The following SLC35F2 variants were observed in gnomAD, a reference collection of about 807,000 sequenced individuals.
SLC35F2 encodes queuine/queuosine transporter SLC35F2.
A neutral mutation model predicts 38.1 loss-of-function variants in SLC35F2; 25 were observed. That is an observed-to-expected ratio of 0.66 (90% CI 0.48 to 0.92). The LOEUF (loss-of-function observed/expected upper bound fraction) is 0.92, where lower values mean the gene tolerates loss of function less well. SLC35F2 is among the 40% of genes least tolerant of loss of function. The pLI is 0.00. For synonymous variants in SLC35F2, 173 were observed against 181.7 expected (o/e 0.95, Z 0.38); for missense variants, 409 against 452.9 (o/e 0.90, Z 0.88).
chr11:107,798,450 T>C (rs1591183885), intron 7 of SLC35F2, among the ~76,000 whole-genome samples: 1 of 152,324 alleles, frequency 6.6e-6, no homozygotes, highest in East Asian at 1.9e-4. Context: ...CATGTCTCTC[T>C]TAAGAAGGCA....
intron 3 of SLC35F2, among the ~76,000 whole-genome samples, chr11:107,807,170 C>T (rs538024346): frequency 6.7e-6 from 1 of 149,736 alleles, no homozygotes; most frequent in Admixed American, 6.8e-5. Flanking sequence ...CACGGTGGCT[C>T]ACGCCTGTAA....
chr11:107,811,570 G>C, intron 3 of SLC35F2, 97 bp downstream of exon 3: 2 of 1,190,724 alleles, frequency 1.7e-6, no homozygotes, highest in Non-Finnish European at 1.2e-6. Context: ...TTTTCTTCAA[G>C]TGAATAGATT....
At chr11:107,829,477 C>T (rs11212397) in intron 1 of SLC35F2, among the ~76,000 whole-genome samples, 6,862 of 152,008 alleles carry the variant, frequency 0.045, 272 homozygotes, top group African/African-American at 0.1. Context: ...TGATGCCTTC[C>T]ACCATGCTAT....
intron 1 of SLC35F2, among the ~76,000 whole-genome samples, chr11:107,838,691 C>G (rs1363560035): frequency 7.7e-6 from 1 of 130,526 alleles, no homozygotes; most frequent in Non-Finnish European, 1.6e-5. Context: ...TGCAGTGGCG[C>G]TATCTCATCT....
chr11:107,828,873 G>A (rs755694202), intron 1 of SLC35F2, among the ~76,000 whole-genome samples: 2 of 152,126 alleles, frequency 1.3e-5, no homozygotes, highest in South Asian at 2.1e-4. Context: ...TTGGGAGGCC[G>A]AGGTGGGCAG....
chr11:107,851,031 A>G (rs1482258143), intron 1 of SLC35F2, among the ~76,000 whole-genome samples: 3 of 151,198 alleles, frequency 2.0e-5, no homozygotes, highest in South Asian at 4.2e-4. Context: ...TTGGGAGGCT[A>G]AGGTGGGCGG....
chr11:107,809,652 T>C (rs2134782657), intron 3 of SLC35F2: 2 of 978,640 alleles, frequency 2.0e-6, no homozygotes, highest in South Asian at 4.7e-5. Flanking sequence ...AAAGTATTCT[T>C]GGTGATGGAT....
chr11:107,813,730 ATCTTGGC>A (rs1859519822), intron 2 of SLC35F2, among the ~76,000 whole-genome samples: 1 of 151,988 alleles, frequency 6.6e-6, no homozygotes, highest in South Asian at 2.1e-4. Flanking sequence ...CAGTGGTGTG[ATCTTGGC>A]TCACTGCAAC....
chr11:107,841,522 C>CAGCCTAG (rs1860011705), intron 1 of SLC35F2, among the ~76,000 whole-genome samples: 1 of 146,264 alleles, frequency 6.8e-6, no homozygotes, highest in Non-Finnish European at 1.5e-5. Context: ...GAGACTGTGC[C>CAGCCTAG]ACTGCACTCC....
rs1444523051 is a variant in SLC35F2, at chr11:107,835,081, T to G, written c.111-19116A>C. ...AGAGTTACGCAGAAAATCAAACGGGTGCTAGTTAAAGAGGCCAACAATCAA... is the reference window on the plus strand; with the variant it reads ...AGAGTTACGCAGAAAATCAAACGGGGGCTAGTTAAAGAGGCCAACAATCAA... On this transcript the variant is annotated intron_variant, in intron 1 of 7. Coordinates refer to ENST00000525815, the MANE Select transcript of SLC35F2 (RefSeq NM_017515.5). Among the ~76,000 whole-genome samples, 5 of 152,028 alleles carry G rather than the reference T, an allele frequency of 3.3e-5. No individual in the cohort carries two copies. The East Asian group carries it at 9.6e-4, about 29-fold the overall frequency.
intron 1 of SLC35F2, among the ~76,000 whole-genome samples, chr11:107,842,236 A>C (rs1860022759): frequency 8.3e-6 from 1 of 121,076 alleles, no homozygotes; most frequent in Admixed American, 1.0e-4. Flanking sequence ...AGCCTGGGCG[A>C]CAGAGTGAGA....
At chr11:107,830,768 A>T (rs991091399) in intron 1 of SLC35F2, among the ~76,000 whole-genome samples, 1 of 152,148 alleles carries the variant, frequency 6.6e-6, no homozygotes. Flanking sequence ...GTGTGGTAAC[A>T]ATCATTTTCT....
chr11:107,815,042 C>T (rs1046624236), intron 2 of SLC35F2, among the ~76,000 whole-genome samples: 1 of 151,906 alleles, frequency 6.6e-6, no homozygotes, highest in African/African-American at 2.4e-5. Context: ...TGTGCCACTG[C>T]ACTCCAGCCT....
chr11:107,816,972 C>T (rs1262103654), intron 1 of SLC35F2, among the ~76,000 whole-genome samples: 1 of 152,076 alleles, frequency 6.6e-6, no homozygotes, highest in East Asian at 1.9e-4. Flanking sequence ...CTGTGGGAAA[C>T]AGCAATATTT....
rs918911810 is a variant in SLC35F2 at position 107,804,664 on chromosome 11, T to A, written c.784+54A>T. On this transcript the variant is annotated intron_variant, in intron 6 of 7. Coordinates refer to ENST00000525815, the MANE Select transcript of SLC35F2 (RefSeq NM_017515.5). ...TTAAAATAAAGCACATATTTCTAGA[T>A]GTTCATTTGTTTGTTAAAGAATGCT... 14 of 1,231,246 alleles carry A rather than the reference T, an allele frequency of 1.1e-5. 1 individual carries two copies. In the African/African-American group the frequency reaches 1.8e-4, roughly 16 times the overall value. The allele number at this position is 1,231,246 out of a possible 1,614,324, so 76.3% of individuals were successfully genotyped here. A position where few individuals can be genotyped will look rare whatever the true frequency, so the allele number is the denominator to read the frequency against.
intron 7 of SLC35F2, among the ~76,000 whole-genome samples, chr11:107,797,002 T>C (rs1565426381): frequency 6.6e-6 from 1 of 152,098 alleles, no homozygotes; most frequent in Non-Finnish European, 1.5e-5. Context: ...GGTACAAACA[T>C]TTAGTTAGAT....
intron 1 of SLC35F2, among the ~76,000 whole-genome samples, chr11:107,826,278 CT>C (rs35417276): frequency 0.069 from 9,991 of 143,868 alleles, 328 homozygotes; most frequent in Middle Eastern, 0.11. Context: ...AAAGATAAAA[CT>C]TTTTTTTTTT....
intron 7 of SLC35F2, 86 bp from the exon 8 acceptor site, chr11:107,792,886 C>T: frequency 7.1e-7 from 1 of 1,412,324 alleles, no homozygotes; most frequent in Non-Finnish European, 9.2e-7. Context: ...TCGAGGATTA[C>T]CCTCTCATAA....
At position 107,833,518 on chromosome 11, in the gene SLC35F2, C is replaced by CAAAAAAAAAAAAAAAAA. The variant is rs34376803; in HGVS notation, c.111-17570_111-17554dup. Among the ~76,000 whole-genome samples the CAAAAAAAAAAAAAAAAA allele has an allele frequency of 1.8e-3, 160 of 89,504 alleles. 4 individuals are homozygous for CAAAAAAAAAAAAAAAAA. Among genetic ancestry groups the CAAAAAAAAAAAAAAAAA allele is most frequent in the African/African-American group, 6.5e-3 (133 of 20,534 alleles). The allele number at this position is 89,504 out of a possible 152,430, so 58.7% of individuals were successfully genotyped here. A position where few individuals can be genotyped will look rare whatever the true frequency, so the allele number is the denominator to read the frequency against. On this transcript the variant is annotated intron_variant, in intron 1 of 7. Transcript: ENST00000525815. ...TGGGCATCAGAGTGAGACTCTGTCT[C>CAAAAAAAAAAAAAAAAA]AAAAAAAAAAAAAAAAAAAGGAGAG...
Sources: gnomAD v4.1 joint callset for allele counts (sites outside exome capture counted in the v4.1 genomes callset) on GRCh38, gnomAD v4.1.1 for gene constraint, MANE v1.5 for transcripts, NCBI Gene and HGNC (gene_info 2026-07-23, HGNC 2026-07-21) for gene names.